PARD3B: variants seen among roughly 807,000 people sequenced by gnomAD.
The protein encoded by PARD3B is partitioning defective 3 homolog B.
PARD3B carries 103 observed loss-of-function variants against 130.2 expected under a neutral mutation model. The observed-to-expected ratio is 0.79, with a 90% confidence interval of 0.67 to 0.93. The LOEUF is 0.93. Ranked by LOEUF, PARD3B falls within the 40% of genes least tolerant of loss-of-function variation. The pLI, the probability that PARD3B is intolerant of heterozygous loss-of-function variation, is 0.00. For missense variants in PARD3B, 1,609 were observed against 1,499.2 expected, an observed-to-expected ratio of 1.07 and a Z score of -1.21; for synonymous variants, 583 against 553.2, an observed-to-expected ratio of 1.05 and a Z score of -0.76.
chr2:205,021,135 C>G lies in PARD3B; in HGVS notation c.395-26446C>G, dbSNP rs1415732797. On this transcript the variant is annotated intron_variant, in intron 3 of 22. Transcript: ENST00000406610. This position sits in a 1 kb window ranked among gnomAD's most constrained non-coding sequence, Gnocchi z 4.5. ...TCCAAACCAGAAATTTCTAATACAG[C>G]AAATAAAGCAAATTGGAATGATTTC... Among the ~76,000 whole-genome samples, 1 of 152,078 alleles carries G rather than the reference C, an allele frequency of 6.6e-6. No individual in the cohort carries two copies. The highest frequency in any genetic ancestry group is 1.5e-5 in the Non-Finnish European group (1 of 68,026).
At chr2:205,395,471 C>G (rs187830986) in intron 18 of PARD3B, among the ~76,000 whole-genome samples, 9 of 152,322 alleles carry the variant, frequency 5.9e-5, no homozygotes, top group Admixed American at 5.2e-4. Context: ...TTCTCTATCT[C>G]TGTTGTCCAC....
At chr2:204,760,044 G>C (rs963590191) in intron 2 of PARD3B, among the ~76,000 whole-genome samples, 2 of 151,948 alleles carry the variant, frequency 1.3e-5, no homozygotes, top group Non-Finnish European at 2.9e-5. Flanking sequence ...AATACTGCAT[G>C]GTATTACTCT....
intron 18 of PARD3B, among the ~76,000 whole-genome samples, chr2:205,346,684 C>A (rs1379535774): frequency 1.3e-5 from 2 of 152,126 alleles, no homozygotes; most frequent in South Asian, 2.1e-4. Context: ...TGTCACCCTG[C>A]AGCTATTCCT....
rs114872253 is a variant in PARD3B at position 205,235,770 on chromosome 2, T to C, written c.2141-10008T>C. 7.0e-3 allele frequency among the ~76,000 whole-genome samples: 1,070 copies of C among 152,318 alleles called. 15 individuals are homozygous for C. The highest frequency in any genetic ancestry group is 0.024 in the African/African-American group (1,013 of 41,558). On this transcript the variant is annotated intron_variant, in intron 15 of 22. Transcript: ENST00000406610. The stretch of plus-strand genomic sequence containing the variant: ...GAATTTTCCATTTAATATTTTAGAC[T>C]ATGATTGACCATAGGTAACTGAAAC...
At chr2:205,494,049 C>T (rs968884062) in intron 20 of PARD3B, among the ~76,000 whole-genome samples, 1 of 152,064 alleles carries the variant, frequency 6.6e-6, no homozygotes, top group African/African-American at 2.4e-5. Context: ...CGTGAGCCAC[C>T]TCACCTGACC....
At chr2:205,552,643 AG>A (rs2052699898) in intron 21 of PARD3B, among the ~76,000 whole-genome samples, 1 of 152,094 alleles carries the variant, frequency 6.6e-6, no homozygotes, top group Non-Finnish European at 1.5e-5. Context: ...TCCAGACCTC[AG>A]GCAATCCACC....
At chr2:204,586,822 T>C (rs1226416318) in intron 1 of PARD3B, among the ~76,000 whole-genome samples, 1 of 152,212 alleles carries the variant, frequency 6.6e-6, no homozygotes, top group East Asian at 1.9e-4. Flanking sequence ...ATATGAAATA[T>C]AAATTTCAAA....
chr2:205,035,163 A>G (rs1448767531), intron 3 of PARD3B, among the ~76,000 whole-genome samples: 1 of 152,076 alleles, frequency 6.6e-6, no homozygotes, highest in Non-Finnish European at 1.5e-5. Context: ...ACACCTGGCC[A>G]GCCATGTGTT....
At position 204,907,142 on chromosome 2, in the gene PARD3B, G is replaced by A. The variant is rs1051809168; in HGVS notation, c.223-58010G>A. Among the ~76,000 whole-genome samples, 46 of 152,018 alleles carry A rather than the reference G, an allele frequency of 3.0e-4. 1 individual carries two copies. Among genetic ancestry groups the A allele is most frequent in the Admixed American group, 2.1e-3 (32 of 15,266 alleles). ...ATTACAGGTGCCCACCACCACACCC[G>A]GCTCTTTTTTCATATTTTTAGTAAA... On this transcript the variant is annotated intron_variant, in intron 2 of 22. Coordinates refer to ENST00000406610, the MANE Select transcript of PARD3B (RefSeq NM_001302769.2). This position sits in a 1 kb window ranked among gnomAD's most constrained non-coding sequence, Gnocchi z 5.7.
At chr2:204,916,219 A>G (rs1302335230) in intron 2 of PARD3B, among the ~76,000 whole-genome samples, 2 of 152,248 alleles carry the variant, frequency 1.3e-5, no homozygotes, top group African/African-American at 4.8e-5. Flanking sequence ...TGCAAAACCA[A>G]ACACCTTCAG....
intron 2 of PARD3B, among the ~76,000 whole-genome samples, chr2:204,755,020 A>G (rs1379237253): frequency 6.6e-6 from 1 of 152,176 alleles, no homozygotes; most frequent in African/African-American, 2.4e-5. Flanking sequence ...ATATCTAAAT[A>G]TTTAATTTCA....
intron 2 of PARD3B, among the ~76,000 whole-genome samples, chr2:204,909,630 A>G (rs936450982): frequency 6.6e-6 from 1 of 152,200 alleles, no homozygotes; most frequent in South Asian, 2.1e-4. Flanking sequence ...TTGTAAAATG[A>G]AGATAATCAT....
At chr2:205,127,348 T>C (rs952803133) in intron 10 of PARD3B, among the ~76,000 whole-genome samples, 13 of 150,662 alleles carry the variant, frequency 8.6e-5, no homozygotes, top group African/African-American at 2.9e-4. Flanking sequence ...AGGGATTTTG[T>C]AGCTAATAAC....
At chr2:204,781,303 T>C (rs545943804) in intron 2 of PARD3B, among the ~76,000 whole-genome samples, 1 of 152,272 alleles carries the variant, frequency 6.6e-6, no homozygotes, top group East Asian at 1.9e-4. Flanking sequence ...CATTTACAGA[T>C]AATATAAGCA....
At chr2:204,923,601 A>G (rs192701309) in intron 2 of PARD3B, among the ~76,000 whole-genome samples, 31 of 152,208 alleles carry the variant, frequency 2.0e-4, no homozygotes, top group African/African-American at 7.5e-4. Context: ...TAGGAAGGCA[A>G]TGTCTTAAAA....
chr2:205,243,595 A>C (rs1030928181), intron 15 of PARD3B, among the ~76,000 whole-genome samples: 1 of 152,232 alleles, frequency 6.6e-6, no homozygotes, highest in East Asian at 1.9e-4. Flanking sequence ...CACCACAGAA[A>C]GATAACTATT....
chr2:204,946,110 C>T (rs1689302073), intron 2 of PARD3B, among the ~76,000 whole-genome samples: 1 of 152,166 alleles, frequency 6.6e-6, no homozygotes, highest in East Asian at 1.9e-4. Flanking sequence ...GTATTTTGCT[C>T]CTTCGACTAT....
Position 204,906,345 on chromosome 2 carries a change from C to A in PARD3B, c.223-58807C>A, listed in dbSNP as rs1218425373. Among the ~76,000 whole-genome samples, 3 of 152,122 alleles carry A rather than the reference C, an allele frequency of 2.0e-5. No individual in the cohort carries two copies. The highest frequency in any genetic ancestry group is 7.2e-5 in the African/African-American group (3 of 41,412). ...CATAATAACTCTGTCATCACATAAA[C>A]AGTGAAAATTGTAGTTAGAATGCTA... On this transcript the variant is annotated intron_variant, in intron 2 of 22. Coordinates refer to ENST00000406610, the MANE Select transcript of PARD3B (RefSeq NM_001302769.2). This position sits in a 1 kb window ranked among gnomAD's most constrained non-coding sequence, Gnocchi z 4.3.
At chr2:204,845,036 A>G (rs2044405847) in intron 2 of PARD3B, among the ~76,000 whole-genome samples, 1 of 152,204 alleles carries the variant, frequency 6.6e-6, no homozygotes, top group Non-Finnish European at 1.5e-5. Flanking sequence ...ATATATCTTA[A>G]AAGAGGAAAA....
Sources: gnomAD v4.1 joint callset for allele counts (sites outside exome capture counted in the v4.1 genomes callset) on GRCh38, gnomAD v4.1.1 for gene constraint, Gnocchi (gnomAD v3.1) non-coding constraint, MANE v1.5 for transcripts, NCBI Gene and HGNC (gene_info 2026-07-23, HGNC 2026-07-21) for gene names.